SCHIP1: variants seen among roughly 807,000 people sequenced by gnomAD.
The protein encoded by SCHIP1 is schwannomin interacting protein 1, also known as schwannomin-interacting protein 1.
SCHIP1 carries 8 observed loss-of-function variants against 29.7 expected under a neutral mutation model. That is an observed-to-expected ratio of 0.27 (90% confidence interval 0.16 to 0.49). The LOEUF is 0.49. SCHIP1 is among the 20% of genes least tolerant of loss of function. SCHIP1 has a pLI of 0.99. For synonymous variants in SCHIP1, 76 were observed against 94.9 expected (o/e 0.80, Z 1.16); for missense variants, 193 against 294.6 (o/e 0.66, Z 2.52).
At chr3:159,794,571 C>T in the SCHIP1 span, among the ~76,000 whole-genome samples, 4 of 152,160 alleles carry the variant, frequency 2.6e-5, no homozygotes, top group Admixed American at 6.5e-5. Context: ...GACTAGATTC[C>T]GGACCTCAAG....
At chr3:159,352,317 C>T in the SCHIP1 span, among the ~76,000 whole-genome samples, 2 of 152,174 alleles carry the variant, frequency 1.3e-5, no homozygotes, top group Non-Finnish European at 2.9e-5. Context: ...TCTGCATATG[C>T]GATTTTCACT....
the SCHIP1 span, among the ~76,000 whole-genome samples, chr3:159,544,566 A>G: frequency 1.1e-4 from 17 of 152,226 alleles, no homozygotes; most frequent in Non-Finnish European, 1.8e-4. Context: ...TAGGTCTGTA[A>G]TAATATCTCA....
chr3:159,406,336 AAAC>A, the SCHIP1 span, among the ~76,000 whole-genome samples: 2 of 152,142 alleles, frequency 1.3e-5, no homozygotes, highest in Non-Finnish European at 2.9e-5. Flanking sequence ...GTGCTGAATG[AAAC>A]AACAACAACA....
At chr3:159,615,121 C>T in the SCHIP1 span, among the ~76,000 whole-genome samples, 38 of 152,130 alleles carry the variant, frequency 2.5e-4, 1 homozygote, top group South Asian at 8.3e-4. Flanking sequence ...AGCCCAAGAA[C>T]GGGGTAGAGG....
the SCHIP1 span, among the ~76,000 whole-genome samples, chr3:159,503,942 T>C: frequency 1.3e-5 from 2 of 152,174 alleles, no homozygotes; most frequent in Non-Finnish European, 2.9e-5. Flanking sequence ...TGAGTAATTA[T>C]GATACAGAAT....
chr3:159,430,928 G>C, the SCHIP1 span, among the ~76,000 whole-genome samples: 1 of 152,044 alleles, frequency 6.6e-6, no homozygotes, highest in African/African-American at 2.4e-5. Flanking sequence ...GGGATATCTT[G>C]AGATCCTAGA....
At chr3:159,671,970 G>T in the SCHIP1 span, among the ~76,000 whole-genome samples, 1 of 152,284 alleles carries the variant, frequency 6.6e-6, no homozygotes. Context: ...AAAAGAATGT[G>T]TGATCATATT....
At chr3:159,414,275 C>T in the SCHIP1 span, among the ~76,000 whole-genome samples, 5 of 152,132 alleles carry the variant, frequency 3.3e-5, no homozygotes, top group African/African-American at 1.2e-4. Flanking sequence ...CTTTAATATT[C>T]CCATCCTACA....
At chr3:159,627,267 A>C in the SCHIP1 span, among the ~76,000 whole-genome samples, 1 of 152,242 alleles carries the variant, frequency 6.6e-6, no homozygotes, top group Non-Finnish European at 1.5e-5. Flanking sequence ...CTATGGTAGC[A>C]GAGAATCTTC....
the SCHIP1 span, among the ~76,000 whole-genome samples, chr3:159,465,321 GTGTGTGTGTGTGTGTGTGTT>G: frequency 6.7e-6 from 1 of 149,324 alleles, no homozygotes; most frequent in Non-Finnish European, 1.5e-5. Context: ...ATGATTGTGT[GTGTGTGTGTGTGTGTGTGTT>G]TGTGTGCGTG....
chr3:159,769,247 G>T, the SCHIP1 span, among the ~76,000 whole-genome samples: 1 of 114,074 alleles, frequency 8.8e-6, no homozygotes, highest in Non-Finnish European at 1.6e-5. Flanking sequence ...TCTTGCTCCT[G>T]TTCAAAAGGC....
the SCHIP1 span, among the ~76,000 whole-genome samples, chr3:159,636,539 T>C: frequency 6.6e-6 from 1 of 152,214 alleles, no homozygotes; most frequent in Non-Finnish European, 1.5e-5. Context: ...GCTATAAGGA[T>C]AAGGAATTGT....
At chr3:159,417,594 T>C in the SCHIP1 span, among the ~76,000 whole-genome samples, 6 of 152,146 alleles carry the variant, frequency 3.9e-5, no homozygotes, top group Non-Finnish European at 5.9e-5. Context: ...CGGATAGTGA[T>C]AGGACCAATC....
At chr3:159,435,042 C>T in the SCHIP1 span, among the ~76,000 whole-genome samples, 1 of 152,110 alleles carries the variant, frequency 6.6e-6, no homozygotes, top group Non-Finnish European at 1.5e-5. Flanking sequence ...CATTTCTGTG[C>T]ATAATAACTA....
the SCHIP1 span, among the ~76,000 whole-genome samples, chr3:159,461,010 G>A: frequency 6.6e-6 from 1 of 152,188 alleles, no homozygotes. Context: ...GTTTCAGGAA[G>A]TTCGTGGAAC....
At chr3:159,581,475 C>A in the SCHIP1 span, among the ~76,000 whole-genome samples, 4 of 152,112 alleles carry the variant, frequency 2.6e-5, no homozygotes, top group African/African-American at 9.7e-5. Context: ...CCCACCCGCG[C>A]CAGCAAAGAC....
the SCHIP1 span, among the ~76,000 whole-genome samples, chr3:159,664,802 G>T: frequency 6.6e-6 from 1 of 152,238 alleles, no homozygotes; most frequent in African/African-American, 2.4e-5. Context: ...TATCTTGATG[G>T]TCAGTCACTC....
chr3:159,528,412 C>G, the SCHIP1 span, among the ~76,000 whole-genome samples: 1 of 152,140 alleles, frequency 6.6e-6, no homozygotes, highest in Non-Finnish European at 1.5e-5. Flanking sequence ...CTGATCCCTT[C>G]CCTTCGTGAA....
the SCHIP1 span, among the ~76,000 whole-genome samples, chr3:159,626,566 G>A: frequency 6.6e-6 from 1 of 152,120 alleles, no homozygotes; most frequent in African/African-American, 2.4e-5. Flanking sequence ...ATTATATAAT[G>A]TGATAGTAAA....
Sources: allele counts gnomAD v4.1 joint callset (sites outside exome capture counted in the v4.1 genomes callset), GRCh38; gene constraint gnomAD v4.1.1; transcripts MANE v1.5; gene names NCBI Gene and HGNC (gene_info 2026-07-23, HGNC 2026-07-21).